ZNF385D: variants seen among roughly 807,000 people sequenced by gnomAD.
ZNF385D encodes zinc finger protein 659.
Under a neutral mutation model 35.8 loss-of-function variants are expected in ZNF385D, and 15 were observed. That is an observed-to-expected ratio of 0.42 (90% CI 0.28 to 0.64). ZNF385D has a LOEUF of 0.64. Ranked by LOEUF, ZNF385D falls within the 30% of genes least tolerant of loss-of-function variation. The pLI, the probability that ZNF385D is intolerant of heterozygous loss-of-function variation, is 0.23. For synonymous variants in ZNF385D, 212 were observed against 186.8 expected, an observed-to-expected ratio of 1.13 and a Z score of -1.10; for missense variants, 474 against 494.6, an observed-to-expected ratio of 0.96 and a Z score of 0.39.
At chr3:22,279,203 CAT>C (rs1364065455) in intron 2 of ZNF385D, among the ~76,000 whole-genome samples, 1 of 151,936 alleles carries the variant, frequency 6.6e-6, no homozygotes, top group African/African-American at 2.4e-5. Flanking sequence ...TTGGTGTACT[CAT>C]CACCCAAGCA....
At chr3:22,201,662 T>C (rs1266850383) in intron 2 of ZNF385D, among the ~76,000 whole-genome samples, 1 of 152,034 alleles carries the variant, frequency 6.6e-6, no homozygotes, top group Non-Finnish European at 1.5e-5. Flanking sequence ...ATATTGTTTT[T>C]CTCTCACATT....
chr3:21,432,386 G>A (rs1344252644), intron 5 of ZNF385D, among the ~76,000 whole-genome samples: 1 of 152,092 alleles, frequency 6.6e-6, no homozygotes, highest in African/African-American at 2.4e-5. Context: ...TTGAAACTTG[G>A]TGAGGGGATA....
intron 3 of ZNF385D, among the ~76,000 whole-genome samples, chr3:22,151,333 G>A (rs1480714772): frequency 6.6e-6 from 1 of 152,082 alleles, no homozygotes; most frequent in Non-Finnish European, 1.5e-5. Context: ...AATGTCTAAT[G>A]TCAGGTGGAA....
chr3:21,421,186 T>C lies in ZNF385D; in HGVS notation c.*28A>G, dbSNP rs779494639. 69 of 1,580,986 alleles carry C rather than the reference T, an allele frequency of 4.4e-5. 2 individuals carry two copies. The South Asian group carries it at 7.6e-4, about 18-fold the overall frequency. On this transcript the variant is annotated 3_prime_UTR_variant, in exon 8 of 8. Coordinates refer to ENST00000281523, the MANE Select transcript of ZNF385D (RefSeq NM_024697.3). ...TTGTTTTTTGTTTTTTGAAAAATTA[T>C]TGCAGTACAATTACTCCTATTTGGA...
chr3:21,645,677 G>C lies in ZNF385D; in HGVS notation c.165+19209C>G, dbSNP rs541643909. On this transcript the variant is annotated intron_variant, in intron 2 of 7. Coordinates refer to ENST00000281523, the MANE Select transcript of ZNF385D (RefSeq NM_024697.3). ...GCAGTCTCCACCTACTTCCAAAGCAGTCACCATGGCTCGCTGTCAGCCAAG... is the reference window on the plus strand; with the variant it reads ...GCAGTCTCCACCTACTTCCAAAGCACTCACCATGGCTCGCTGTCAGCCAAG... 7.2e-5 allele frequency among the ~76,000 whole-genome samples: 11 copies of C among 152,226 alleles called. No homozygotes were observed. The South Asian group carries it at 1.2e-3, about 17-fold the overall frequency.
chr3:21,916,842 TAA>T (rs1284912516), intron 3 of ZNF385D, among the ~76,000 whole-genome samples: 1 of 152,192 alleles, frequency 6.6e-6, no homozygotes, highest in Admixed American at 6.5e-5. Flanking sequence ...CTTTTGTGTG[TAA>T]AAGGAAACTT....
chr3:22,107,042 T>TTTTTTTTTTTTTTTTTTTTTTTTTTTTG (rs10688533), intron 3 of ZNF385D, among the ~76,000 whole-genome samples: 2 of 149,386 alleles, frequency 1.3e-5, no homozygotes, highest in South Asian at 2.2e-4. Context: ...TTTTTTTTTT[T>TTTTTTTTTTTTTTTTTTTTTTTTTTTTG]AGACAGAGTT....
intron 2 of ZNF385D, among the ~76,000 whole-genome samples, chr3:22,312,191 C>T (rs1025339065): frequency 6.6e-6 from 1 of 151,968 alleles, no homozygotes; most frequent in African/African-American, 2.4e-5. Context: ...TGGCTTGTGC[C>T]GATACTGTTC....
intron 4 of ZNF385D, 26 bp downstream of exon 4, chr3:21,510,832 GACA>G (rs771629520): frequency 5.6e-6 from 9 of 1,610,644 alleles, no homozygotes; most frequent in Admixed American, 3.3e-5. Context: ...CGACGACGAG[GACA>G]ACAACAACAA....
Position 22,251,102 on chromosome 3 carries a change from T to A in ZNF385D, c.107-82067A>T, listed in dbSNP as rs1042703711. On this transcript the variant is annotated intron_variant, in intron 2 of 5. Transcript: ENST00000494108. ...CTGAGCCACTTGCAATTTCAGTATT[T>A]ATTCAGGTTAGGAAAAAATTTTCCA... 3.3e-5 allele frequency among the ~76,000 whole-genome samples: 5 copies of A among 152,140 alleles called. No individual in the cohort carries two copies. The East Asian group carries it at 9.7e-4, about 29-fold the overall frequency.
intron 3 of ZNF385D, among the ~76,000 whole-genome samples, chr3:22,146,404 T>A (rs944053466): frequency 7.2e-5 from 11 of 152,210 alleles, no homozygotes; most frequent in African/African-American, 2.4e-4. Flanking sequence ...TTGTATAGAA[T>A]GAATTTTTTT....
intron 3 of ZNF385D, among the ~76,000 whole-genome samples, chr3:21,940,954 T>C (rs1333479411): frequency 2.0e-5 from 3 of 152,216 alleles, no homozygotes; most frequent in African/African-American, 7.2e-5. Context: ...AATTCATGTT[T>C]CATCAAAGGC....
At chr3:21,990,161 G>A (rs1374612005) in intron 3 of ZNF385D, among the ~76,000 whole-genome samples, 1 of 152,150 alleles carries the variant, frequency 6.6e-6, no homozygotes, top group Non-Finnish European at 1.5e-5. Context: ...ATGATTATAG[G>A]ATGCTTATTT....
chr3:21,492,486 TA>T (rs571831685), intron 4 of ZNF385D, among the ~76,000 whole-genome samples: 203 of 138,972 alleles, frequency 1.5e-3, no homozygotes, highest in Non-Finnish European at 1.6e-3. Flanking sequence ...TTCGTATTAC[TA>T]AAAAAAAAAA....
chr3:21,511,587 C>T (rs545967657), intron 3 of ZNF385D: 26 of 422,018 alleles, frequency 6.2e-5, no homozygotes, highest in East Asian at 4.3e-4. Flanking sequence ...ACACAGAAGC[C>T]GGGCAATTTC....
Position 22,226,455 on chromosome 3 carries a change from T to A in ZNF385D, c.107-57420A>T, listed in dbSNP as rs137916334. 1.8e-3 allele frequency among the ~76,000 whole-genome samples: 279 copies of A among 152,304 alleles called. 1 individual carries two copies. The highest frequency in any genetic ancestry group is 6.3e-3 in the African/African-American group (263 of 41,578). On this transcript the variant is annotated intron_variant, in intron 2 of 5. Transcript: ENST00000494108. ...CCCAAGATTATTGTTTCATACAACT[T>A]TGACAAGTTGTCTTCCAAAGTTCAG...
chr3:21,757,846 G>A (rs1239094105), intron 3 of ZNF385D, among the ~76,000 whole-genome samples: 2 of 152,164 alleles, frequency 1.3e-5, no homozygotes, highest in African/African-American at 4.8e-5. Context: ...GCAGAGACAT[G>A]TATATCATGT....
intron 3 of ZNF385D, among the ~76,000 whole-genome samples, chr3:21,923,594 T>C (rs62236552): frequency 0.1 from 15,245 of 152,190 alleles, 1,033 homozygotes; most frequent in Middle Eastern, 0.22. Context: ...ATACCAAAGA[T>C]ATGGAATCAA....
chr3:22,248,111 C>A (rs1013718876), intron 2 of ZNF385D, among the ~76,000 whole-genome samples: 1 of 152,060 alleles, frequency 6.6e-6, no homozygotes, highest in African/African-American at 2.4e-5. Flanking sequence ...AACCTTGCTC[C>A]CTGAAGATTC....
Sources: gnomAD v4.1 joint callset for allele counts (sites outside exome capture counted in the v4.1 genomes callset) on GRCh38, gnomAD v4.1.1 for gene constraint, MANE v1.5 for transcripts, NCBI Gene and HGNC (gene_info 2026-07-23, HGNC 2026-07-21) for gene names.